Variants in JAK2 observed in about 807,000 individuals in gnomAD.
JAK2 encodes the protein Janus kinase 2.
A neutral mutation model predicts 139.3 loss-of-function variants in JAK2; 86 were observed. The observed-to-expected ratio is 0.62, with a 90% CI of 0.52 to 0.74. The LOEUF is 0.74. Ranked by LOEUF, JAK2 falls within the 30% of genes least tolerant of loss-of-function variation. JAK2 has a pLI of 0.00. For synonymous variants in JAK2, 490 were observed against 437.7 expected (o/e 1.12, Z -1.49); for missense variants, 1,421 against 1,360.3 (o/e 1.04, Z -0.70).
chr9:5,111,108 C>G, intron 22 of JAK2: 1 of 1,218,664 alleles, frequency 8.2e-7, no homozygotes, highest in East Asian at 2.9e-5. Context: ...ACCAGAACAG[C>G]TCCTCCTTTG....
intron 2 of JAK2, among the ~76,000 whole-genome samples, chr9:5,010,688 A>G (rs942540135): frequency 9.9e-5 from 15 of 152,148 alleles, no homozygotes; most frequent in African/African-American, 2.9e-4. Context: ...CATATTTACT[A>G]TTTTTGAGCT....
At chr9:5,040,386 A>C (rs1190359312) in intron 4 of JAK2, among the ~76,000 whole-genome samples, 1 of 152,224 alleles carries the variant, frequency 6.6e-6, no homozygotes, top group African/African-American at 2.4e-5. Context: ...TTGTGTACTT[A>C]GATTAGGCAG....
Position 5,029,828 on chromosome 9 carries a change from C to G in JAK2, c.272C>G (p.Thr91Arg). Residue 91 changes from threonine (T) to arginine (R), a missense_variant, in exon 4 of 25, where the codon ACA (threonine) becomes AGA (arginine). Physicochemically the swap from Thr to Arg is moderately conservative, Grantham distance 71 (BLOSUM62 -1). Transcript: ENST00000381652. Reference protein sequence around the residue: ...YHNMFALMSETERIWYPPNHV... With the variant: ...YHNMFALMSERERIWYPPNHV... ...AATATGTTTGCTTTAATGAGTGAAA[C>G]AGAAAGGATCTGGTATCCACCCAAC... 6.2e-7 allele frequency: 1 copy of G among 1,610,850 alleles called. No homozygotes were observed. Among genetic ancestry groups the G allele is most frequent in the Non-Finnish European group, 8.5e-7 (1 of 1,177,458 alleles).
chr9:5,011,176 A>G (rs1357036516), intron 2 of JAK2, among the ~76,000 whole-genome samples: 1 of 152,180 alleles, frequency 6.6e-6, no homozygotes, highest in Admixed American at 6.5e-5. Flanking sequence ...ACATTTAGCC[A>G]GTATTTTTTC....
chr9:5,098,119 A>G (rs1049343932), intron 22 of JAK2: 7 of 152,150 alleles, frequency 4.6e-5, no homozygotes, highest in African/African-American at 9.7e-5. Flanking sequence ...CAATTGAACA[A>G]CCATCTAGTA....
intron 22 of JAK2, among the ~76,000 whole-genome samples, chr9:5,106,429 A>C (rs1181318274): frequency 6.6e-6 from 1 of 152,236 alleles, no homozygotes; most frequent in Non-Finnish European, 1.5e-5. Flanking sequence ...CGAAATAGGA[A>C]CACTTTCACA....
At position 5,101,331 on chromosome 9, in the gene JAK2, G is replaced by A. The variant is rs980210938; in HGVS notation, c.3059+10420G>A. Among the ~76,000 whole-genome samples the A allele has an allele frequency of 7.9e-5, 12 of 152,240 alleles. No homozygotes were observed. The East Asian group carries it at 2.3e-3, about 29-fold the overall frequency. On this transcript the variant is annotated intron_variant, in intron 22 of 24. Transcript: ENST00000381652. ...TGAGGCAGCAGCCTGGCAGGCGGAG[G>A]GGCGTCCGCCATTGCTGAGGCTTGA... is the stretch of plus-strand genomic sequence containing the variant.
At chr9:4,998,375 G>C (rs1820712035) in intron 2 of JAK2, among the ~76,000 whole-genome samples, 1 of 152,104 alleles carries the variant, frequency 6.6e-6, no homozygotes, top group Admixed American at 6.5e-5. Context: ...TCCTACCTCA[G>C]CCTCCCGAGT....
At chr9:5,016,684 C>G (rs755789601) in intron 2 of JAK2, among the ~76,000 whole-genome samples, 2 of 152,168 alleles carry the variant, frequency 1.3e-5, no homozygotes, top group African/African-American at 2.4e-5. Flanking sequence ...AGAGTATCAC[C>G]TGAATTACTG....
intron 12 of JAK2, among the ~76,000 whole-genome samples, chr9:5,070,466 A>G (rs892780259): frequency 1.6e-4 from 24 of 152,250 alleles, no homozygotes; most frequent in African/African-American, 5.8e-4. Context: ...TGGATACCAA[A>G]ATCTGAGGAT....
chr9:5,060,319 T>C, intron 8 of JAK2, among the ~76,000 whole-genome samples: 1 of 152,190 alleles, frequency 6.6e-6, no homozygotes, highest in South Asian at 2.1e-4. Flanking sequence ...ACTGCATCAG[T>C]AGACTCTTCA....
intron 16 of JAK2, among the ~76,000 whole-genome samples, chr9:5,078,957 G>A (rs1362066668): frequency 2.0e-5 from 3 of 152,172 alleles, no homozygotes; most frequent in Non-Finnish European, 4.4e-5. Context: ...TCAGATAGTT[G>A]AGAGGGGTTT....
intron 22 of JAK2, among the ~76,000 whole-genome samples, chr9:5,102,106 A>C (rs1338001796): frequency 1.3e-5 from 2 of 152,210 alleles, no homozygotes; most frequent in African/African-American, 2.4e-5. Context: ...CTAAAGGAGG[A>C]TGTTCAAACC....
chr9:5,101,907 C>T (rs142326222), intron 22 of JAK2, among the ~76,000 whole-genome samples: 1 of 152,246 alleles, frequency 6.6e-6, no homozygotes, highest in East Asian at 1.9e-4. Flanking sequence ...GTTACCAGCA[C>T]CAAAGACCAA....
At chr9:5,117,261 C>T (rs926658517) in intron 22 of JAK2, among the ~76,000 whole-genome samples, 2 of 152,304 alleles carry the variant, frequency 1.3e-5, no homozygotes, top group East Asian at 3.9e-4. Context: ...TAGCAGCATA[C>T]ATGGACGCCC....
At chr9:5,081,437 A>C (rs1276617131) in intron 18 of JAK2, among the ~76,000 whole-genome samples, 1 of 152,052 alleles carries the variant, frequency 6.6e-6, no homozygotes, top group Non-Finnish European at 1.5e-5. Context: ...CCCCAGTACT[A>C]CTCACCTTTC....
chr9:4,998,381 C>G (rs569047780), intron 2 of JAK2, among the ~76,000 whole-genome samples: 4 of 152,014 alleles, frequency 2.6e-5, no homozygotes, highest in African/African-American at 7.2e-5. Flanking sequence ...CTCAGCCTCC[C>G]GAGTAACTGG....
chr9:5,074,257 A>G (rs1041539486), intron 14 of JAK2, among the ~76,000 whole-genome samples: 2 of 152,118 alleles, frequency 1.3e-5, no homozygotes, highest in East Asian at 1.9e-4. Flanking sequence ...AAAAGTATAA[A>G]TCGTACCCCA....
chr9:5,112,184 C>T (rs568548001), intron 22 of JAK2: 1 of 262,644 alleles, frequency 3.8e-6, no homozygotes, highest in Non-Finnish European at 7.7e-6. Context: ...CGGGCGCTGG[C>T]CTTGGGCTTC....
Sources: allele counts gnomAD v4.1 joint callset (sites outside exome capture counted in the v4.1 genomes callset), GRCh38; gene constraint gnomAD v4.1.1; transcripts MANE v1.5; gene names NCBI Gene and HGNC (gene_info 2026-07-23, HGNC 2026-07-21).